Variants in PROM2 observed in about 807,000 individuals in gnomAD.
PROM2 encodes prominin 2.
Under a neutral mutation model 110.2 loss-of-function variants are expected in PROM2, and 90 were observed. The ratio of observed to expected loss-of-function variants is 0.82; its 90% confidence interval spans 0.69 to 0.97. The LOEUF is 0.97. Ranked by LOEUF, PROM2 falls within the 50% of genes least tolerant of loss-of-function variation. The pLI, the probability that PROM2 is intolerant of heterozygous loss-of-function variation, is 0.00. For missense variants in PROM2, 1,009 were observed against 1,074.8 expected (o/e 0.94, Z 0.86); for synonymous variants, 470 against 467.8 (o/e 1.00, Z -0.06).
Position 95,275,983 on chromosome 2 carries a change from C to T in PROM2, c.348C>T (p.Tyr116=), listed in dbSNP as rs773047661. Residue 116 remains tyrosine, a synonymous_variant, in exon 3 of 24, where the codon TAC becomes TAT. Coordinates refer to ENST00000317620, the MANE Select transcript of PROM2 (RefSeq NM_001165978.3). The surrounding 1 kb of genome is among the most constrained non-coding windows in gnomAD (Gnocchi z 4.4). ...YVVCAVIAGL[Y]LLLVPTAGLC... is the part of the protein sequence containing the mutation. ...TATGCGCTGTGATCGCGGGCCTCTA[C>T]CTGCTGCTGGTGCCCACTGCCGGGC... 2 of 1,612,424 alleles carry T rather than the reference C, an allele frequency of 1.2e-6. No homozygotes were observed. The highest frequency in any genetic ancestry group is 2.2e-5 in the South Asian group (2 of 91,046).
chr2:95,276,436 A>G lies in PROM2; in HGVS notation c.618+89A>G, dbSNP rs1345647763. 1 of 1,592,932 alleles carries G rather than the reference A, an allele frequency of 6.3e-7. No homozygotes were observed. Among genetic ancestry groups the G allele is most frequent in the African/African-American group, 1.3e-5 (1 of 74,502 alleles). Reference sequence around the variant, plus strand: ...CCGAGTGGGCCCTCGATGGCCCATAACCAGCGCATCTGAAAGCCGCCTCCT... The same window carrying G: ...CCGAGTGGGCCCTCGATGGCCCATAGCCAGCGCATCTGAAAGCCGCCTCCT... On this transcript the variant is annotated intron_variant, in intron 4 of 23. Transcript: ENST00000317620. This position sits in a 1 kb window ranked among gnomAD's most constrained non-coding sequence, Gnocchi z 4.6.
intron 20 of PROM2, 58 bp from the exon 21 acceptor site, chr2:95,288,153 G>T (rs1677481787): frequency 7.1e-6 from 11 of 1,547,004 alleles, no homozygotes; most frequent in Non-Finnish European, 8.0e-6. Flanking sequence ...ATTGAATATG[G>T]GTGTGCGCCT....
In PROM2 at chr2:95,275,324, G is replaced by A; in HGVS notation, c.245-137G>A. On this transcript the variant is annotated intron_variant, in intron 1 of 23. Transcript: ENST00000317620. The surrounding 1 kb of genome is among the most constrained non-coding windows in gnomAD (Gnocchi z 4.4). ...CAGGATGGCACAGGGCTGCGGTGAT[G>A]CAGCCTTCTGCGAGGGTGCCATGGT... 1 of 769,682 alleles carries A rather than the reference G, an allele frequency of 1.3e-6. No individual in the cohort carries two copies. Among genetic ancestry groups the A allele is most frequent in the Admixed American group, 2.6e-5 (1 of 38,020 alleles). The allele number at this position is 769,682 out of a possible 1,614,324, so 47.7% of individuals were successfully genotyped here. A position where few individuals can be genotyped will look rare whatever the true frequency, so the allele number is the denominator to read the frequency against.
chr2:95,280,105 C>T (rs1446066516), intron 11 of PROM2, 108 bp downstream of exon 11: 3 of 1,134,666 alleles, frequency 2.6e-6, no homozygotes, highest in Non-Finnish European at 2.3e-6. Flanking sequence ...GTGTCATCAT[C>T]TGAATAAAGG....
chr2:95,278,586 G>A, intron 8 of PROM2, 135 bp from the exon 9 acceptor site: 1 of 978,516 alleles, frequency 1.0e-6, no homozygotes, highest in Non-Finnish European at 1.6e-6. Context: ...GGGAGAGGAG[G>A]GCAGCGACCA....
chr2:95,278,412 G>T, intron 8 of PROM2: 2 of 552,564 alleles, frequency 3.6e-6, no homozygotes, highest in South Asian at 4.1e-5. Context: ...TCAGAGCTGA[G>T]GCTAGAAGGG....
chr2:95,274,923 A>C, intron 1 of PROM2, 94 bp downstream of exon 1: 1 of 1,383,194 alleles, frequency 7.2e-7, no homozygotes, highest in Non-Finnish European at 9.5e-7. Flanking sequence ...CCCAACCTAC[A>C]AGCAGGCACT....
chr2:95,279,278 G>A (rs1408624338), intron 10 of PROM2, 134 bp downstream of exon 10: 2 of 685,872 alleles, frequency 2.9e-6, no homozygotes, highest in African/African-American at 1.8e-5. Flanking sequence ...TTTTTTGTTT[G>A]TTTGTTTGTT....
intron 16 of PROM2, 95 bp downstream of exon 16, chr2:95,285,805 A>C (rs1677323511): frequency 8.2e-7 from 1 of 1,217,192 alleles, no homozygotes; most frequent in Non-Finnish European, 1.2e-6. Flanking sequence ...AAGGCAGGGA[A>C]CTGAGGACCC....
At chr2:95,281,496 C>A in intron 12 of PROM2, 131 bp downstream of exon 12, 2 of 1,210,784 alleles carry the variant, frequency 1.7e-6, no homozygotes, top group Non-Finnish European at 2.3e-6. Context: ...GTGAGACAGA[C>A]ATGGCCAAGG....
rs371378593 is a variant in PROM2 at position 95,276,606 on chromosome 2, G to A, written c.631G>A (p.Val211Met). Residue 211 changes from valine (V) to methionine (M), a missense_variant, in exon 5 of 24, where the codon GTG becomes ATG. Coordinates refer to ENST00000317620, the MANE Select transcript of PROM2 (RefSeq NM_001165978.3). This position sits in a 1 kb window ranked among gnomAD's most constrained non-coding sequence, Gnocchi z 4.6. ...VSDVPQELQA[V>M]AQQFSLPQEQ... is the part of the protein sequence containing the mutation. ...TGTGTTTGCCTAGGAGCTGCAGGCC[G>A]TGGCACAGCAATTCTCCCTGCCCCA... 1.9e-5 allele frequency: 30 copies of A among 1,613,684 alleles called. 1 individual carries two copies. Among genetic ancestry groups the A allele is most frequent in the Admixed American group, 1.3e-4 (8 of 60,006 alleles).
chr2:95,276,812 C>A lies in PROM2; in HGVS notation c.682+155C>A, dbSNP rs1220102318. Among the ~76,000 whole-genome samples, 2 of 152,122 alleles carry A rather than the reference C, an allele frequency of 1.3e-5. No individual in the cohort carries two copies. Among genetic ancestry groups the A allele is most frequent in the Non-Finnish European group, 2.9e-5 (2 of 68,010 alleles). On this transcript the variant is annotated intron_variant, in intron 5 of 23. Transcript: ENST00000317620. This position sits in a 1 kb window ranked among gnomAD's most constrained non-coding sequence, Gnocchi z 4.6. ...CCGGCTGGAGAGCAAGAGTGGCCGC[C>A]ACTCAGCTGCTGGAGGAAGAAGCCG...
At position 95,276,123 on chromosome 2, in the gene PROM2, T is replaced by G; in HGVS notation, c.488T>G (p.Leu163Arg). The G allele has an allele frequency of 6.2e-7, 1 of 1,611,948 alleles. No homozygotes were observed. The highest frequency in any genetic ancestry group is 8.5e-7 in the Non-Finnish European group (1 of 1,179,474). Residue 163 changes from leucine (L) to arginine (R), a missense_variant, in exon 3 of 24, where the codon CTC becomes CGC. By Grantham distance (102) the Leu-to-Arg change is moderately radical. Coordinates refer to ENST00000317620, the MANE Select transcript of PROM2 (RefSeq NM_001165978.3). This position sits in a 1 kb window ranked among gnomAD's most constrained non-coding sequence, Gnocchi z 4.6. Reference sequence around the variant, plus strand: ...ATGGTCTTCCTGCTGCTGACCACCCTCTTGCTGCTGTAAGGCGCTGCCCAG... The same window carrying G: ...ATGGTCTTCCTGCTGCTGACCACCCGCTTGCTGCTGTAAGGCGCTGCCCAG... ...ALMVFLLLTT[L>R]LLLIGVVCAF...
At chr2:95,284,767 G>A (rs1017412497) in intron 14 of PROM2, among the ~76,000 whole-genome samples, 2 of 152,176 alleles carry the variant, frequency 1.3e-5, no homozygotes, top group Non-Finnish European at 2.9e-5. Flanking sequence ...TAAGCCATAC[G>A]TGAGGGATCC....
In PROM2 at chr2:95,276,111, T is replaced by G. The variant is rs751508559; in HGVS notation, c.476T>G (p.Leu159Arg). 15 of 1,611,750 alleles carry G rather than the reference T, an allele frequency of 9.3e-6. No homozygotes were observed. The Admixed American group carries it at 2.5e-4, about 27-fold the overall frequency. Residue 159 changes from leucine to arginine, a missense_variant, in exon 3 of 24, where the codon CTG becomes CGG. Transcript: ENST00000317620. The surrounding 1 kb of genome is among the most constrained non-coding windows in gnomAD (Gnocchi z 4.6). The stretch of plus-strand genomic sequence containing the variant: ...CGCGCGGCCCTCATGGTCTTCCTGC[T>G]GCTGACCACCCTCTTGCTGCTGTAA... Reference protein sequence around the residue: ...CERAALMVFLLLTTLLLLIGV... With the variant: ...CERAALMVFLRLTTLLLLIGV...
Position 95,290,176 on chromosome 2 carries a change from A to G in PROM2, c.*963A>G, listed in dbSNP as rs146873340. The G allele has an allele frequency of 6.6e-6, 1 of 152,314 alleles. No homozygotes were observed. The highest frequency in any genetic ancestry group is 1.5e-5 in the Non-Finnish European group (1 of 68,074). The allele number at this position is 152,314 out of a possible 1,614,324, so 9.4% of individuals were successfully genotyped here. A position where few individuals can be genotyped will look rare whatever the true frequency, so the allele number is the denominator to read the frequency against. On this transcript the variant is annotated 3_prime_UTR_variant, in exon 24 of 24. Transcript: ENST00000317620. ...AACAGGATTTTGCACGGCCCCTTTT[A>G]TCCTGCGCATGTGGCCTAGGGTCAT...
At chr2:95,286,241 G>T (rs1456007996) in intron 16 of PROM2, among the ~76,000 whole-genome samples, 1 of 152,232 alleles carries the variant, frequency 6.6e-6, no homozygotes, top group Non-Finnish European at 1.5e-5. Context: ...TTCAGCAGGT[G>T]CCCCTGCAGC....
chr2:95,281,717 C>T (rs1677059203), intron 12 of PROM2, among the ~76,000 whole-genome samples: 1 of 152,076 alleles, frequency 6.6e-6, no homozygotes, highest in Non-Finnish European at 1.5e-5. Flanking sequence ...GCTGGGCAAC[C>T]CTCCTAGGGA....
At chr2:95,285,503 G>T in intron 15 of PROM2, 136 bp from the exon 16 acceptor site, 1 of 679,174 alleles carries the variant, frequency 1.5e-6, no homozygotes, top group South Asian at 2.0e-5. Context: ...AACTCACTGT[G>T]ACTGATGTGT....
Sources: allele counts gnomAD v4.1 joint callset (sites outside exome capture counted in the v4.1 genomes callset), GRCh38; gene constraint gnomAD v4.1.1; non-coding constraint Gnocchi (gnomAD v3.1); transcripts MANE v1.5; gene names NCBI Gene and HGNC (gene_info 2026-07-23, HGNC 2026-07-21).